Variants in RPH3A observed in about 807,000 individuals in gnomAD.
RPH3A encodes rabphilin-3A.
RPH3A carries 48 observed loss-of-function variants against 102.2 expected under a neutral mutation model. The observed-to-expected ratio is 0.47, with a 90% CI of 0.37 to 0.60. The LOEUF is 0.60. Among genes scored for constraint, RPH3A ranks in the 20% least tolerant of loss-of-function variants. RPH3A has a pLI of 0.00. For missense variants in RPH3A, 781 were observed against 910.1 expected (o/e 0.86, Z 1.83); for synonymous variants, 310 against 324.3 (o/e 0.96, Z 0.47).
At chr12:112,749,243 C>A (rs1485675477) in intron 1 of RPH3A, among the ~76,000 whole-genome samples, 2 of 152,192 alleles carry the variant, frequency 1.3e-5, no homozygotes, top group African/African-American at 4.8e-5. Flanking sequence ...GCCCCCAGCC[C>A]AGCCCACTGG....
chr12:112,790,041 A>G (rs2041080966), upstream of RPH3A, among the ~76,000 whole-genome samples: 1 of 151,942 alleles, frequency 6.6e-6, no homozygotes, highest in African/African-American at 2.4e-5. Flanking sequence ...CTTGGGTGAC[A>G]GAGTGAGACA....
At chr12:112,753,450 A>G (rs1363810455) in intron 1 of RPH3A, among the ~76,000 whole-genome samples, 1 of 152,204 alleles carries the variant, frequency 6.6e-6, no homozygotes. Flanking sequence ...CAGGTGAGCC[A>G]CTTCCTGAAG....
At chr12:112,842,399 A>G (rs2042161654) in intron 4 of RPH3A, among the ~76,000 whole-genome samples, 1 of 152,216 alleles carries the variant, frequency 6.6e-6, no homozygotes, top group Non-Finnish European at 1.5e-5. Context: ...GCTCACTAAT[A>G]AGTATTCCCT....
intron 1 of RPH3A, among the ~76,000 whole-genome samples, chr12:112,697,878 CCAAA>C (rs1439765306): frequency 1.3e-5 from 2 of 151,690 alleles, no homozygotes; most frequent in African/African-American, 4.8e-5. Flanking sequence ...AAAAAAAAAT[CCAAA>C]CAGACTTTTT....
chr12:112,677,949 G>A (rs1456719057), intron 1 of RPH3A, among the ~76,000 whole-genome samples: 1 of 151,724 alleles, frequency 6.6e-6, no homozygotes, highest in Non-Finnish European at 1.5e-5. Flanking sequence ...CCAGCACTTT[G>A]GGAGGCCAAG....
At chr12:112,738,973 C>T (rs1223896030) in intron 1 of RPH3A, among the ~76,000 whole-genome samples, 1 of 152,114 alleles carries the variant, frequency 6.6e-6, no homozygotes, top group Non-Finnish European at 1.5e-5. Context: ...TAGATGCATG[C>T]ACGAAGGAGA....
intron 1 of RPH3A, among the ~76,000 whole-genome samples, chr12:112,596,781 A>G (rs1262051494): frequency 6.6e-6 from 1 of 152,240 alleles, no homozygotes; most frequent in East Asian, 1.9e-4. Flanking sequence ...TTTGGATTCT[A>G]GTGAATCCGT....
In RPH3A at chr12:112,792,742, G is replaced by T. The variant is rs80189647; in HGVS notation, c.-19+479G>T. Among the ~76,000 whole-genome samples, 1,171 of 152,338 alleles carry T rather than the reference G, an allele frequency of 7.7e-3. 10 individuals are homozygous for T. Among genetic ancestry groups the T allele is most frequent in the Middle Eastern group, 0.02 (6 of 294 alleles). ...CTGGGTAAGATTTGCACAGGACAGA[G>T]CTTAGATTGTACCCTCTTCTAGGAA... On this transcript the variant is annotated intron_variant, in intron 2 of 21. Transcript: ENST00000389385.
intron 1 of RPH3A, among the ~76,000 whole-genome samples, chr12:112,644,438 T>C (rs2039912314): frequency 6.6e-6 from 1 of 152,132 alleles, no homozygotes; most frequent in Non-Finnish European, 1.5e-5. Context: ...TCAGCACTCA[T>C]CTCTTGTGGA....
At chr12:112,886,410 T>A (rs1488226922) in intron 16 of RPH3A, among the ~76,000 whole-genome samples, 1 of 151,924 alleles carries the variant, frequency 6.6e-6, no homozygotes, top group East Asian at 1.9e-4. Flanking sequence ...GGCATTAGAT[T>A]TTCATAAGGA....
intron 1 of RPH3A, among the ~76,000 whole-genome samples, chr12:112,652,249 G>A (rs181160907): frequency 6.6e-6 from 1 of 152,244 alleles, no homozygotes; most frequent in East Asian, 1.9e-4. Context: ...GCTGAGGTGG[G>A]AGGATCACTT....
intron 12 of RPH3A, among the ~76,000 whole-genome samples, 175 bp from the exon 13 acceptor site, chr12:112,876,467 C>CT (rs2042799185): frequency 6.6e-6 from 1 of 152,146 alleles, no homozygotes; most frequent in Non-Finnish European, 1.5e-5. Context: ...GTCTGTTTTG[C>CT]TTACATCTGA....
At chr12:112,890,802 T>C (rs2043080231) in intron 18 of RPH3A, 47 bp from the exon 19 acceptor site, 4 of 1,594,566 alleles carry the variant, frequency 2.5e-6, no homozygotes, top group Non-Finnish European at 3.4e-6. Flanking sequence ...TCACATTTCC[T>C]GGCCCCCTCC....
At chr12:112,641,756 T>C (rs1027363771) in intron 1 of RPH3A, among the ~76,000 whole-genome samples, 1 of 152,200 alleles carries the variant, frequency 6.6e-6, no homozygotes, top group Non-Finnish European at 1.5e-5. Flanking sequence ...TGTAACTATC[T>C]TGTTAGGAAA....
At chr12:112,822,668 T>G (rs1565900915) in intron 2 of RPH3A, among the ~76,000 whole-genome samples, 1 of 152,180 alleles carries the variant, frequency 6.6e-6, no homozygotes, top group African/African-American at 2.4e-5. Flanking sequence ...CATCCAGCTA[T>G]CCAGTGCTTA....
intron 1 of RPH3A, among the ~76,000 whole-genome samples, chr12:112,744,095 A>G (rs1287114366): frequency 6.6e-6 from 1 of 151,886 alleles, no homozygotes; most frequent in African/African-American, 2.4e-5. Flanking sequence ...TTTTTTTCCA[A>G]GACAGAGTCT....
intron 1 of RPH3A, among the ~76,000 whole-genome samples, chr12:112,744,169 A>T (rs1266768991): frequency 6.6e-6 from 1 of 152,020 alleles, no homozygotes; most frequent in Non-Finnish European, 1.5e-5. Context: ...TCTGTCTCCC[A>T]GGTTCAAGCA....
chr12:112,759,767 T>A (rs2040843382), intron 1 of RPH3A, among the ~76,000 whole-genome samples: 1 of 152,180 alleles, frequency 6.6e-6, no homozygotes, highest in Non-Finnish European at 1.5e-5. Flanking sequence ...TCAGCCATTC[T>A]AACTCTGGCA....
chr12:112,805,817 T>G (rs1314017801), intron 2 of RPH3A, among the ~76,000 whole-genome samples: 1 of 152,210 alleles, frequency 6.6e-6, no homozygotes. Flanking sequence ...TAATTATTCG[T>G]CTATTCATTT....
Sources: gnomAD v4.1 joint callset for allele counts (sites outside exome capture counted in the v4.1 genomes callset) on GRCh38, gnomAD v4.1.1 for gene constraint, MANE v1.5 for transcripts, NCBI Gene and HGNC (gene_info 2026-07-23, HGNC 2026-07-21) for gene names.